CTR9: variants seen among roughly 807,000 people sequenced by gnomAD.
CTR9 encodes RNA polymerase-associated protein CTR9 homolog.
A neutral mutation model predicts 152.1 loss-of-function variants in CTR9; 41 were observed. That is an observed-to-expected ratio of 0.27 (90% CI 0.21 to 0.35). The LOEUF (loss-of-function observed/expected upper bound fraction) is 0.35, where lower values mean the gene tolerates loss of function less well. CTR9 is among the 10% of genes least tolerant of loss of function. CTR9 has a pLI of 1.00. For missense variants in CTR9, 917 were observed against 1,424.4 expected, an observed-to-expected ratio of 0.64 and a Z score of 5.73; for synonymous variants, 476 against 496.2, an observed-to-expected ratio of 0.96 and a Z score of 0.54.
chr11:10,768,731 C>A (rs967301787), intron 16 of CTR9, among the ~76,000 whole-genome samples: 1 of 152,198 alleles, frequency 6.6e-6, no homozygotes, highest in Non-Finnish European at 1.5e-5. Flanking sequence ...GCCAGTTTTC[C>A]TATCTATAAA....
rs756622859 is a variant in CTR9 at position 10,767,973 on chromosome 11, C to T, written c.1854C>T (p.Pro618=). The T allele has an allele frequency of 7.4e-6, 12 of 1,613,836 alleles. 1 individual carries two copies. In the Admixed American group the frequency reaches 8.3e-5, roughly 11 times the overall value. ...TGTGGCTCCAAACTTTACATCAGCC[C>T]ACCCGAGATCGAGAAAAGGTAATCT... is the stretch of plus-strand genomic sequence containing the variant. ...GNVWLQTLHQ[P]TRDREKEKRH... Residue 618 remains proline (P), a synonymous_variant, in exon 14 of 25, where the codon CCC becomes CCT. Coordinates refer to ENST00000361367, the MANE Select transcript of CTR9 (RefSeq NM_014633.5). This position sits in a 1 kb window ranked among gnomAD's most constrained non-coding sequence, Gnocchi z 4.0.
rs1334156171 is a variant in CTR9, at chr11:10,761,996, T to G, written c.791T>G (p.Ile264Ser). ...CAGCTTCTTTCCAGAGCCTATACTA[T>G]TGATCCTAGCAACCCTATGGTATTG... ...GVQLLSRAYT[I>S]DPSNPMVLNH... The change falls in exon 7 of 25, where the codon ATT becomes AGT. Residue 264 changes from isoleucine (I) to serine (S), a missense_variant. Coordinates refer to ENST00000361367, the MANE Select transcript of CTR9 (RefSeq NM_014633.5). 6.2e-7 allele frequency: 1 copy of G among 1,611,866 alleles called. No individual in the cohort carries two copies.
At chr11:10,760,148 T>C (rs754133694) in intron 5 of CTR9, 25 bp from the exon 6 acceptor site, 2 of 1,605,592 alleles carry the variant, frequency 1.2e-6, no homozygotes, top group Non-Finnish European at 1.7e-6. Flanking sequence ...CCTAGTTTGA[T>C]AGATTGAATG....
In CTR9 at chr11:10,769,365, C is replaced by T. The variant is rs776473858; in HGVS notation, c.2110-845C>T. Among the ~76,000 whole-genome samples, 48 of 152,152 alleles carry T rather than the reference C, an allele frequency of 3.2e-4. 1 individual carries two copies. The highest frequency in any genetic ancestry group is 7.4e-5 in the Non-Finnish European group (5 of 68,024). ...AAAATTAAAAAGTAAAAAGGATCTT[C>T]GGCTCTGTGGGATATATTATGGTCA... is the stretch of plus-strand genomic sequence containing the variant. On this transcript the variant is annotated intron_variant, in intron 16 of 24. Coordinates refer to ENST00000361367, the MANE Select transcript of CTR9 (RefSeq NM_014633.5).
chr11:10,772,998 G>T, intron 20 of CTR9, 129 bp from the exon 21 acceptor site: 1 of 1,082,178 alleles, frequency 9.2e-7, no homozygotes, highest in Non-Finnish European at 1.3e-6. Flanking sequence ...CTGTACTCCA[G>T]TCTAGGCAAC....
intron 4 of CTR9, among the ~76,000 whole-genome samples, chr11:10,756,540 A>T (rs528277214): frequency 6.6e-5 from 10 of 152,238 alleles, no homozygotes; most frequent in African/African-American, 2.4e-4. Flanking sequence ...TGCTAACTTT[A>T]TAACATTTAA....
At chr11:10,772,735 C>T (rs1393380977) in intron 20 of CTR9, 80 bp downstream of exon 20, 3 of 1,365,680 alleles carry the variant, frequency 2.2e-6, no homozygotes, top group Non-Finnish European at 2.9e-6. Flanking sequence ...AAAAAAAGTC[C>T]TCTGCCAGGC....
chr11:10,773,409 A>G lies in CTR9; in HGVS notation c.2727+136A>G, dbSNP rs554288819. On this transcript the variant is annotated intron_variant, in intron 21 of 24. Transcript: ENST00000361367. ...TTTTGTTAAGAGACAGTCTTCTAAC[A>G]CAGAGAATGATTTAAATGGTATCCA... The G allele has an allele frequency of 5.8e-4, 589 of 1,018,708 alleles. 11 individuals carry two copies. In the East Asian group the frequency reaches 0.015, roughly 26 times the overall value. 63.1% of individuals were successfully genotyped at this position (1,018,708 alleles called of 1,614,324 possible).
intron 21 of CTR9, among the ~76,000 whole-genome samples, 162 bp downstream of exon 21, chr11:10,773,435 G>A (rs1236609998): frequency 1.3e-5 from 2 of 152,220 alleles, no homozygotes; most frequent in African/African-American, 2.4e-5. Context: ...ATGGTATCCA[G>A]TATTTAGCAA....
chr11:10,764,831 G>A, intron 12 of CTR9, 100 bp downstream of exon 12: 2 of 1,142,530 alleles, frequency 1.8e-6, no homozygotes, highest in Non-Finnish European at 2.4e-6. Flanking sequence ...AGTAAAAATT[G>A]TTTAAGGTTC....
In CTR9 at chr11:10,755,849, G is replaced by C. The variant is rs1384680493; in HGVS notation, c.502+54G>C. ...AACAGTTGTTTTCAGCATATGCCTA[G>C]AATATATCTCTTGGTAATAGCTCCT... is the stretch of plus-strand genomic sequence containing the variant. On this transcript the variant is annotated intron_variant, in intron 4 of 24. Transcript: ENST00000361367. 4.9e-6 allele frequency: 5 copies of C among 1,027,214 alleles called. No individual in the cohort carries two copies. The South Asian group carries it at 7.0e-5, about 14-fold the overall frequency. 63.6% of individuals were successfully genotyped at this position (1,027,214 alleles called of 1,614,324 possible). A position where few individuals can be genotyped will look rare whatever the true frequency, so the allele number is the denominator to read the frequency against.
chr11:10,759,903 G>A lies in CTR9; in HGVS notation c.593-270G>A, dbSNP rs182672157. On this transcript the variant is annotated intron_variant, in intron 5 of 24. Transcript: ENST00000361367. ...AGAAATTGAAGGTATGGTTAGCAGC[G>A]ATGTTAGAAGACAAGAAGAATACCA... Among the ~76,000 whole-genome samples, 9 of 152,268 alleles carry A rather than the reference G, an allele frequency of 5.9e-5. No homozygotes were observed. In the East Asian group the frequency reaches 1.7e-3, roughly 29 times the overall value.
At chr11:10,776,048 G>T (rs929084327) in intron 24 of CTR9, among the ~76,000 whole-genome samples, 1 of 152,112 alleles carries the variant, frequency 6.6e-6, no homozygotes, top group Non-Finnish European at 1.5e-5. Context: ...TGGTCATATG[G>T]AGATAGGCTA....
chr11:10,772,130 C>T (rs574860964), intron 19 of CTR9, among the ~76,000 whole-genome samples: 11 of 151,982 alleles, frequency 7.2e-5, no homozygotes, highest in East Asian at 3.9e-4. Flanking sequence ...CCTAGGTGGG[C>T]GGATCAGCTG....
chr11:10,759,547 C>G (rs533983718), intron 5 of CTR9, among the ~76,000 whole-genome samples: 2 of 151,972 alleles, frequency 1.3e-5, no homozygotes, highest in Non-Finnish European at 2.9e-5. Flanking sequence ...CAGACATGAT[C>G]GACAACTGGA....
In CTR9 at chr11:10,771,575, T is replaced by C. The variant is rs927566131; in HGVS notation, c.2403T>C (p.Asp801=). ...TCAGTTATTTGAGTAAAGTGGGAGA[T>C]AAAATGAGATTTGATTTGGCCCTTG... ...RYFSYLSKVG[D]KMRFDLALAA... The change falls in exon 19 of 25, where the codon GAT becomes GAC. Residue 801 remains aspartate, a synonymous_variant. Transcript: ENST00000361367. 1.9e-6 allele frequency: 3 copies of C among 1,612,610 alleles called. No individual in the cohort carries two copies. Among genetic ancestry groups the C allele is most frequent in the Non-Finnish European group, 2.5e-6 (3 of 1,178,666 alleles).
Position 10,773,263 on chromosome 11 carries a change from G to A in CTR9, c.2717G>A (p.Gly906Asp). The A allele has an allele frequency of 6.2e-7, 1 of 1,611,778 alleles. No homozygotes were observed. The highest frequency in any genetic ancestry group is 8.5e-7 in the Non-Finnish European group (1 of 1,179,486). The change falls in exon 21 of 25, where the codon GGT becomes GAT. Residue 906 changes from glycine (G) to aspartate (D), a missense_variant. Gly to Asp is a moderately conservative substitution (Grantham distance 94). Around this residue, in one of 9 missense-constraint regions of CTR9, gnomAD observed 384 missense variants for 398.4 expected, o/e 0.96. Transcript: ENST00000361367. Reference protein sequence around the residue: ...EATKEKKRGGGGGRRSKKGGE... With the variant: ...EATKEKKRGGDGGRRSKKGGE... ...ACAAAAGAGAAGAAAAGAGGTGGTGGTGGTGGACGGGTAAGATATAATTCC... is the reference window on the plus strand; with the variant it reads ...ACAAAAGAGAAGAAAAGAGGTGGTGATGGTGGACGGGTAAGATATAATTCC...
Position 10,767,182 on chromosome 11 carries a change from G to C in CTR9, c.1687-624G>C, listed in dbSNP as rs1400544128. On this transcript the variant is annotated intron_variant, in intron 13 of 24. Transcript: ENST00000361367. This position sits in a 1 kb window ranked among gnomAD's most constrained non-coding sequence, Gnocchi z 4.0. ...GTATATTTTCAAACAATTTTTTAAT[G>C]ATTTAACAATTTTTGTAAATCATTT... The C allele has an allele frequency of 6.5e-6, 1 of 152,808 alleles. No homozygotes were observed. Among genetic ancestry groups the C allele is most frequent in the African/African-American group, 2.4e-5 (1 of 41,452 alleles). 9.5% of individuals were successfully genotyped at this position (152,808 alleles called of 1,614,324 possible). A position where few individuals can be genotyped will look rare whatever the true frequency, so the allele number is the denominator to read the frequency against.
intron 13 of CTR9, 43 bp downstream of exon 13, chr11:10,766,533 A>G: frequency 2.2e-6 from 3 of 1,383,832 alleles, no homozygotes; most frequent in Non-Finnish European, 2.0e-6. Context: ...AATTATTTTC[A>G]CTTTTCCTTC....
Sources: gnomAD v4.1 joint callset for allele counts (sites outside exome capture counted in the v4.1 genomes callset) on GRCh38, gnomAD v4.1.1 for gene constraint, gnomAD v4.1.1 regional missense constraint, Gnocchi (gnomAD v3.1) non-coding constraint, MANE v1.5 for transcripts, NCBI Gene and HGNC (gene_info 2026-07-23, HGNC 2026-07-21) for gene names.